The following URB1 variants were observed in gnomAD, a reference collection of about 807,000 sequenced individuals.
URB1 encodes URB1 ribosome biogenesis factor.
URB1 carries 197 observed loss-of-function variants against 242.3 expected under a neutral mutation model. The ratio of observed to expected loss-of-function variants is 0.81; its 90% CI spans 0.72 to 0.91. URB1 has a LOEUF of 0.91. URB1 is among the 40% of genes least tolerant of loss of function. URB1 has a pLI of 0.00. For synonymous variants in URB1, 1,153 were observed against 1,201.8 expected, an observed-to-expected ratio of 0.96 and a Z score of 0.84; for missense variants, 2,721 against 2,860.5, an observed-to-expected ratio of 0.95 and a Z score of 1.11.
chr21:32,391,134 G>A (rs1287425777), intron 1 of URB1, among the ~76,000 whole-genome samples: 1 of 150,126 alleles, frequency 6.7e-6, no homozygotes, highest in Non-Finnish European at 1.5e-5. Context: ...ACCAAACACC[G>A]CATGTTCTCA....
chr21:32,348,106 C>T (rs189664712), intron 21 of URB1, among the ~76,000 whole-genome samples: 4 of 152,288 alleles, frequency 2.6e-5, no homozygotes, highest in East Asian at 1.9e-4. Context: ...TTTGCGAGCA[C>T]GTGTCTGAAG....
intron 9 of URB1, 64 bp from the exon 10 acceptor site, chr21:32,366,819 G>A: frequency 2.6e-6 from 4 of 1,512,742 alleles, no homozygotes; most frequent in Non-Finnish European, 3.6e-6. Context: ...GAGACTAGCT[G>A]TAGGCACCCA....
At chr21:32,344,359 T>A (rs995251809) in intron 24 of URB1, among the ~76,000 whole-genome samples, 1 of 152,322 alleles carries the variant, frequency 6.6e-6, no homozygotes, top group African/African-American at 2.4e-5. Context: ...AAAAAGCATT[T>A]GACAAAATCC....
In URB1 at chr21:32,386,808, C is replaced by T. The variant is rs1306609126; in HGVS notation, c.143-1124G>A. 4.6e-5 allele frequency among the ~76,000 whole-genome samples: 7 copies of T among 152,146 alleles called. No individual in the cohort carries two copies. The East Asian group carries it at 1.2e-3, about 25-fold the overall frequency. Reference sequence around the variant, plus strand: ...TTTTTCCCTAGGTACTAGTATTTCACAGATGAGAAAACTGAGGCCCTTGTC... The same window carrying T: ...TTTTTCCCTAGGTACTAGTATTTCATAGATGAGAAAACTGAGGCCCTTGTC... On this transcript the variant is annotated intron_variant, in intron 1 of 38. Transcript: ENST00000382751.
At chr21:32,370,281 T>G (rs1304639382) in intron 8 of URB1, among the ~76,000 whole-genome samples, 1 of 152,094 alleles carries the variant, frequency 6.6e-6, no homozygotes. Context: ...GCTTTACATA[T>G]AGTAAAAAAA....
chr21:32,354,137 A>AG (rs765036271), intron 17 of URB1, 34 bp from the exon 18 acceptor site: 13 of 1,550,354 alleles, frequency 8.4e-6, no homozygotes, highest in African/African-American at 1.4e-5. Context: ...AGCTGATGTG[A>AG]GAGCCACTGA....
intron 34 of URB1, among the ~76,000 whole-genome samples, chr21:32,321,332 CTGT>C (rs1478432263): frequency 6.6e-6 from 1 of 152,224 alleles, no homozygotes; most frequent in Non-Finnish European, 1.5e-5. Flanking sequence ...GTGAGGCTGT[CTGT>C]TTCAACCTGA....
At chr21:32,375,960 A>AAAAAC (rs879536866) in intron 5 of URB1, among the ~76,000 whole-genome samples, 9 of 152,152 alleles carry the variant, frequency 5.9e-5, no homozygotes, top group African/African-American at 9.7e-5. Flanking sequence ...CTGTCTCCAA[A>AAAAAC]AAAACAAAAC....
intron 21 of URB1, 37 bp from the exon 22 acceptor site, chr21:32,347,848 G>A: frequency 1.3e-6 from 2 of 1,512,174 alleles, no homozygotes; most frequent in Non-Finnish European, 1.8e-6. Context: ...GTCACATAGA[G>A]CACAGGGCTA....
chr21:32,324,565 C>T lies in URB1; in HGVS notation c.5159G>A (p.Arg1720Gln), dbSNP rs763947089. Residue 1720 changes from arginine (R) to glutamine (Q), a missense_variant, in exon 32 of 39, where the codon CGA becomes CAA. Coordinates refer to ENST00000382751, the MANE Select transcript of URB1 (RefSeq NM_014825.3). ...YLLDVVRNGIRTQDMRLTFTL... is the reference protein window; with the variant it reads ...YLLDVVRNGIQTQDMRLTFTL... ...AAAAGTAAGTCTCATGTCCTGAGTT[C>T]GAATCCCATTCCGGACTACATCCAA... 1.0e-5 allele frequency: 16 copies of T among 1,551,614 alleles called. No individual in the cohort carries two copies. The highest frequency in any genetic ancestry group is 1.7e-4 in the Middle Eastern group (1 of 6,014).
Position 32,347,831 on chromosome 21 carries a change from C to T in URB1, c.3013-20G>A. 5 of 1,527,320 alleles carry T rather than the reference C, an allele frequency of 3.3e-6. No homozygotes were observed. Among genetic ancestry groups the T allele is most frequent in the Non-Finnish European group, 4.4e-6 (5 of 1,139,808 alleles). 94.6% of individuals were successfully genotyped at this position (1,527,320 alleles called of 1,614,324 possible). A position where few individuals can be genotyped will look rare whatever the true frequency, so the allele number is the denominator to read the frequency against. On this transcript the variant is annotated intron_variant, in intron 21 of 38. Transcript: ENST00000382751. Reference sequence around the variant, plus strand: ...CAGCGTCTGAAAGGCAGTGACGAGGCACAGACGTCACATAGAGCACAGGGC... The same window carrying T: ...CAGCGTCTGAAAGGCAGTGACGAGGTACAGACGTCACATAGAGCACAGGGC...
intron 26 of URB1, 143 bp downstream of exon 26, chr21:32,338,563 CA>C (rs2032989576): frequency 2.1e-6 from 2 of 954,994 alleles, no homozygotes; most frequent in East Asian, 2.6e-5. Flanking sequence ...CTGGATTTGA[CA>C]GAAATAAAAC....
At position 32,378,034 on chromosome 21, in the gene URB1, G is replaced by A. The variant is rs76758511; in HGVS notation, c.664+411C>T. ...CTGAAGCCCTGTTACTGATGTTCTC[G>A]TAACACAGGTCTAAGCCACCAAAGA... On this transcript the variant is annotated intron_variant, in intron 5 of 38. Coordinates refer to ENST00000382751, the MANE Select transcript of URB1 (RefSeq NM_014825.3). 4.6e-3 allele frequency among the ~76,000 whole-genome samples: 698 copies of A among 152,268 alleles called. 9 individuals carry two copies. Among genetic ancestry groups the A allele is most frequent in the African/African-American group, 0.016 (676 of 41,546 alleles).
At chr21:32,383,599 A>T in intron 3 of URB1, 45 bp from the exon 4 acceptor site, 1 of 1,522,638 alleles carries the variant, frequency 6.6e-7, no homozygotes, top group Non-Finnish European at 8.8e-7. Context: ...ACAACAGCAG[A>T]AGCACAGAGC....
rs764381019 is a variant in URB1, at chr21:32,349,368, C to T, written c.2948G>A (p.Arg983Gln). The change falls in exon 21 of 39, where the codon CGG becomes CAG. Residue 983 changes from arginine to glutamine, a missense_variant. Coordinates refer to ENST00000382751, the MANE Select transcript of URB1 (RefSeq NM_014825.3). ...AQNQQRCEAA[R>Q]AEADLFLDME... ...GTCCAGGAAGAGGTCGGCTTCGGCC[C>T]GGGCGGCCTCGCATCTCTGCTGGTT... 1.5e-4 allele frequency: 233 copies of T among 1,551,464 alleles called. No homozygotes were observed. Among genetic ancestry groups the T allele is most frequent in the East Asian group, 5.4e-4 (22 of 40,910 alleles).
rs763168814 is a variant in URB1 at position 32,311,931 on chromosome 21, C to T, written c.*2987G>A. On this transcript the variant is annotated 3_prime_UTR_variant, in exon 39 of 39. Coordinates refer to ENST00000382751, the MANE Select transcript of URB1 (RefSeq NM_014825.3). ...CTGGGAACTGACCCTCAATGGGGGTCCCCTCGTCAGGAGCAAGCCCAGCGA... is the reference window on the plus strand; with the variant it reads ...CTGGGAACTGACCCTCAATGGGGGTTCCCTCGTCAGGAGCAAGCCCAGCGA... 2 of 1,613,708 alleles carry T rather than the reference C, an allele frequency of 1.2e-6. No homozygotes were observed. The highest frequency in any genetic ancestry group is 8.5e-7 in the Non-Finnish European group (1 of 1,180,022).
chr21:32,382,555 C>G (rs748392553), intron 4 of URB1, among the ~76,000 whole-genome samples: 5 of 152,130 alleles, frequency 3.3e-5, no homozygotes, highest in Non-Finnish European at 5.9e-5. Context: ...CAGAACAAGG[C>G]AGCACACTGT....
At chr21:32,322,034 C>T in intron 33 of URB1, 90 bp from the exon 34 acceptor site, 1 of 1,456,752 alleles carries the variant, frequency 6.9e-7, no homozygotes, top group South Asian at 1.3e-5. Flanking sequence ...TAAGTGGTGG[C>T]AAAAGTTGTA....
rs1313057214 is a variant in URB1, at chr21:32,357,531, G to A, written c.1989+6C>T. On this transcript the variant is annotated splice_donor_region_variant and intron_variant, in intron 15 of 38. Transcript: ENST00000382751. ...TCAGAGTTAGAAACTGGTAGAAAAT[G>A]CTCACCTTCATGATCAGAAGTTTGG... 4.0e-6 allele frequency: 6 copies of A among 1,500,054 alleles called. No individual in the cohort carries two copies. The highest frequency in any genetic ancestry group is 2.5e-5 in the Admixed American group (1 of 39,360). The allele number at this position is 1,500,054 out of a possible 1,614,324, so 92.9% of individuals were successfully genotyped here. A position where few individuals can be genotyped will look rare whatever the true frequency, so the allele number is the denominator to read the frequency against.
Sources: gnomAD v4.1 joint callset for allele counts (sites outside exome capture counted in the v4.1 genomes callset) on GRCh38, gnomAD v4.1.1 for gene constraint, MANE v1.5 for transcripts, NCBI Gene and HGNC (gene_info 2026-07-23, HGNC 2026-07-21) for gene names.